Variants in TLN1 observed in about 807,000 individuals in gnomAD.
TLN1 encodes the protein talin-1.
TLN1 carries 56 observed loss-of-function variants against 292.3 expected under a neutral mutation model. The observed-to-expected ratio is 0.19, with a 90% CI of 0.15 to 0.24. The LOEUF (loss-of-function observed/expected upper bound fraction) is 0.24. Among genes scored for constraint, TLN1 ranks in the 10% least tolerant of loss-of-function variants. TLN1 has a pLI of 1.00. For missense variants in TLN1, 2,433 were observed against 3,248.2 expected (o/e 0.75, Z 6.10); for synonymous variants, 1,119 against 1,253.7 (o/e 0.89, Z 2.27).
Position 35,698,033 on chromosome 9 carries a change from G to A in TLN1, c.7500+11C>T. On this transcript the variant is annotated intron_variant, in intron 56 of 56. Coordinates refer to ENST00000314888, the MANE Select transcript of TLN1 (RefSeq NM_006289.4). The surrounding 1 kb of genome is among the most constrained non-coding windows in gnomAD (Gnocchi z 5.3). ...CTGACAGCGTCCCTCAGCATCTGGG[G>A]TGAAGCTCACCTGGGCAATGCCGCC... The A allele has an allele frequency of 6.2e-7, 1 of 1,614,134 alleles. No individual in the cohort carries two copies. Among genetic ancestry groups the A allele is most frequent in the Non-Finnish European group, 8.5e-7 (1 of 1,180,010 alleles).
At position 35,720,133 on chromosome 9, in the gene TLN1, G is replaced by A. The variant is rs750664229; in HGVS notation, c.1370C>T (p.Ala457Val). The A allele has an allele frequency of 1.2e-6, 2 of 1,612,580 alleles. No homozygotes were observed. The highest frequency in any genetic ancestry group is 8.5e-7 in the Non-Finnish European group (1 of 1,179,406). The change falls in exon 13 of 57, where the codon GCC becomes GTC. Residue 457 changes from alanine (A) to valine (V), a missense_variant. By Grantham distance (64) the Ala-to-Val change is moderately conservative (BLOSUM62 0). Coordinates refer to ENST00000314888, the MANE Select transcript of TLN1 (RefSeq NM_006289.4). ...VALPAIMRSGASGPENFQVGS... is the reference protein window; with the variant it reads ...VALPAIMRSGVSGPENFQVGS... ...CACCTGGAAATTCTCAGGACCAGAG[G>A]CTCCAGAGCGCATGATGGCAGGCAG...
Position 35,720,194 on chromosome 9 carries a change from T to A in TLN1, c.1309A>T (p.Asn437Tyr). ...KKSTVLQQQY[N>Y]RVGKVEHGSV... ...CCATGCTCCACTTTCCCCACCCGGT[T>A]GTATTGCTGCTGCAGGACTGTTGAC... The change falls in exon 13 of 57, where the codon AAC (asparagine) becomes TAC (tyrosine). Residue 437 changes from asparagine (N) to tyrosine (Y), a missense_variant. This residue lies in a region of TLN1 where 617 missense variants were observed against 770.6 expected (regional missense o/e 0.80). Transcript: ENST00000314888. 2 of 1,600,452 alleles carry A rather than the reference T, an allele frequency of 1.2e-6. No homozygotes were observed. The highest frequency in any genetic ancestry group is 1.3e-5 in the African/African-American group (1 of 74,532).
chr9:35,702,633 C>T (rs1448496283), intron 48 of TLN1, among the ~76,000 whole-genome samples: 1 of 152,048 alleles, frequency 6.6e-6, no homozygotes, highest in African/African-American at 2.4e-5. Flanking sequence ...GCTGGGACTA[C>T]AGGCGCGTGC....
chr9:35,709,243 C>T (rs1303836327), intron 33 of TLN1, among the ~76,000 whole-genome samples: 6 of 152,014 alleles, frequency 3.9e-5, no homozygotes, highest in African/African-American at 1.2e-4. Context: ...TGCAGTGAGC[C>T]GAGATTATGC....
At chr9:35,703,364 G>T (rs189124792) in intron 48 of TLN1, among the ~76,000 whole-genome samples, 196 bp downstream of exon 48, 21 of 152,278 alleles carry the variant, frequency 1.4e-4, no homozygotes, top group Non-Finnish European at 2.8e-4. Flanking sequence ...TGGGAGAAAT[G>T]ACAAGAGGAG....
In TLN1 at chr9:35,719,060, C is replaced by T; in HGVS notation, c.1896+14G>A. On this transcript the variant is annotated intron_variant, in intron 16 of 56. Coordinates refer to ENST00000314888, the MANE Select transcript of TLN1 (RefSeq NM_006289.4). The surrounding 1 kb of genome is among the most constrained non-coding windows in gnomAD (Gnocchi z 4.6). ...ACCCTGTCTCCACCCTAACCCAAACCTGTGGCCCCTGACCTCAGCACTGGC... is the reference window on the plus strand; with the variant it reads ...ACCCTGTCTCCACCCTAACCCAAACTTGTGGCCCCTGACCTCAGCACTGGC... 2 of 1,608,000 alleles carry T rather than the reference C, an allele frequency of 1.2e-6. No individual in the cohort carries two copies. The highest frequency in any genetic ancestry group is 1.7e-6 in the Non-Finnish European group (2 of 1,176,424).
In TLN1 at chr9:35,699,070, T is replaced by TGGCTGCAGCCTCAATGGC; in HGVS notation, c.6943_6960dup (p.Ala2315_Ala2320dup). Reference sequence around the variant, plus strand: ...CGGGGCTTCAGCTGCTCTAGCTTTTTGGCTGCAGCCTCAATGGCGGCTGCA... The same window carrying TGGCTGCAGCCTCAATGGC: ...CGGGGCTTCAGCTGCTCTAGCTTTTTGGCTGCAGCCTCAATGGCGGCTGCAGCCTCAATGGCGGCTGCA... On this transcript the variant is annotated inframe_insertion, in exon 52 of 57. Transcript: ENST00000314888. The surrounding 1 kb of genome is among the most constrained non-coding windows in gnomAD (Gnocchi z 4.0). 1 of 1,613,964 alleles carries TGGCTGCAGCCTCAATGGC rather than the reference T, an allele frequency of 6.2e-7. No individual in the cohort carries two copies. Among genetic ancestry groups the TGGCTGCAGCCTCAATGGC allele is most frequent in the Non-Finnish European group, 8.5e-7 (1 of 1,179,898 alleles).
At chr9:35,718,197 C>G (rs758080074) in intron 17 of TLN1, among the ~76,000 whole-genome samples, 22 of 152,224 alleles carry the variant, frequency 1.4e-4, no homozygotes, top group Non-Finnish European at 2.2e-4. Context: ...AGTCCCTGTA[C>G]TACCCTACCT....
At chr9:35,726,320 AT>A (rs1399995756) in intron 1 of TLN1, among the ~76,000 whole-genome samples, 1 of 152,182 alleles carries the variant, frequency 6.6e-6, no homozygotes, top group Non-Finnish European at 1.5e-5. Context: ...CACCACTGGA[AT>A]TTGTACCTCC....
rs879081024 is a variant in TLN1, at chr9:35,712,064, C to T, written c.3622G>A (p.Asp1208Asn). Residue 1208 changes from aspartate to asparagine, a missense_variant, in exon 28 of 57, where the codon GAT (aspartate) becomes AAT (asparagine). By Grantham distance (23) the Asp-to-Asn change is conservative (BLOSUM62 1). Around this residue, in one of 7 missense-constraint regions of TLN1, gnomAD observed 1,384 missense variants for 1,699.6 expected, o/e 0.81. Transcript: ENST00000314888. ...ACTGCCCTCAGGGCATTATCCACATCGCGCTGGCCAGGTAGGCAGCTGACA... is the reference window on the plus strand; with the variant it reads ...ACTGCCCTCAGGGCATTATCCACATTGCGCTGGCCAGGTAGGCAGCTGACA... The part of the protein sequence containing the change: ...RCVSCLPGQR[D>N]VDNALRAVGD... The T allele has an allele frequency of 9.3e-6, 15 of 1,614,092 alleles. No individual in the cohort carries two copies. Among genetic ancestry groups the T allele is most frequent in the Admixed American group, 3.3e-5 (2 of 60,022 alleles).
rs771998013 is a variant in TLN1, at chr9:35,707,999, C to G, written c.4471-107G>C. The G allele has an allele frequency of 3.2e-5, 42 of 1,310,310 alleles. No individual in the cohort carries two copies. Among genetic ancestry groups the G allele is most frequent in the Non-Finnish European group, 4.1e-5 (39 of 948,956 alleles). The allele number at this position is 1,310,310 out of a possible 1,614,324, so 81.2% of individuals were successfully genotyped here. Reference sequence around the variant, plus strand: ...GATGGAGAGCAATACCCTGAGGAGTCAAAACAGGAATAACAGAGTCACCTG... The same window carrying G: ...GATGGAGAGCAATACCCTGAGGAGTGAAAACAGGAATAACAGAGTCACCTG... On this transcript the variant is annotated intron_variant, in intron 34 of 56. Coordinates refer to ENST00000314888, the MANE Select transcript of TLN1 (RefSeq NM_006289.4). This position sits in a 1 kb window ranked among gnomAD's most constrained non-coding sequence, Gnocchi z 5.6.
chr9:35,719,336 G>C lies in TLN1; in HGVS notation c.1688-54C>G. On this transcript the variant is annotated intron_variant, in intron 15 of 56. Coordinates refer to ENST00000314888, the MANE Select transcript of TLN1 (RefSeq NM_006289.4). The surrounding 1 kb of genome is among the most constrained non-coding windows in gnomAD (Gnocchi z 4.6). ...GAGAGACAGGGCAGGCCAGACGAAG[G>C]GCTGGGGAGGGAGCAAAGTCACACC... 6.4e-7 allele frequency: 1 copy of C among 1,559,596 alleles called. No individual in the cohort carries two copies. The highest frequency in any genetic ancestry group is 8.8e-7 in the Non-Finnish European group (1 of 1,138,454).
At chr9:35,710,737 C>T (rs1360403637) in intron 32 of TLN1, 54 bp from the exon 33 acceptor site, 1 of 1,612,972 alleles carries the variant, frequency 6.2e-7, no homozygotes, top group Non-Finnish European at 8.5e-7. Context: ...AACCCCAGGG[C>T]AGCATCTGGT....
chr9:35,725,045 A>G, intron 3 of TLN1, 86 bp from the exon 4 acceptor site: 1 of 1,594,650 alleles, frequency 6.3e-7, no homozygotes, highest in Non-Finnish European at 8.6e-7. Flanking sequence ...GAGAGAGTGG[A>G]GCACTGAAAG....
Position 35,698,250 on chromosome 9 carries a change from A to C in TLN1, c.7371+73T>G. 1 of 1,608,660 alleles carries C rather than the reference A, an allele frequency of 6.2e-7. No homozygotes were observed. The highest frequency in any genetic ancestry group is 1.3e-5 in the African/African-American group (1 of 74,872). On this transcript the variant is annotated intron_variant, in intron 55 of 56. Coordinates refer to ENST00000314888, the MANE Select transcript of TLN1 (RefSeq NM_006289.4). This position sits in a 1 kb window ranked among gnomAD's most constrained non-coding sequence, Gnocchi z 5.3. ...AGACAGTACCTCAATTCTCTCATAG[A>C]AACATACATCTCGGGAGTGACAGTT...
intron 34 of TLN1, among the ~76,000 whole-genome samples, chr9:35,708,139 T>C (rs1283459578): frequency 6.6e-6 from 1 of 152,160 alleles, no homozygotes; most frequent in Non-Finnish European, 1.5e-5. Flanking sequence ...CTCGAACATC[T>C]ACAGAGAAGT....
chr9:35,722,720 C>A (rs1587989377), intron 8 of TLN1, 141 bp downstream of exon 8: 3 of 762,502 alleles, frequency 3.9e-6, no homozygotes, highest in East Asian at 5.0e-5. Context: ...GCTTTCTTGG[C>A]AGAGGTGAGG....
chr9:35,697,860 C>T lies in TLN1; in HGVS notation c.7557G>A (p.Arg2519=). 1 of 1,614,208 alleles carries T rather than the reference C, an allele frequency of 6.2e-7. No homozygotes were observed. The highest frequency in any genetic ancestry group is 8.5e-7 in the Non-Finnish European group (1 of 1,180,038). The change falls in exon 57 of 57, where the codon CGG becomes CGA. Residue 2519 remains arginine, a synonymous_variant. Coordinates refer to ENST00000314888, the MANE Select transcript of TLN1 (RefSeq NM_006289.4). ...LRKERELEEA[R]KKLAQIRQQQ... ...GCTGCCGGATCTGGGCCAGTTTCTT[C>T]CGCGCCTCTTCCAGCTCTCGTTCCT... is the stretch of plus-strand genomic sequence containing the variant.
At position 35,699,205 on chromosome 9, in the gene TLN1, C is replaced by G. The variant is rs373132892; in HGVS notation, c.6875-49G>C. The G allele has an allele frequency of 1.0e-5, 16 of 1,581,426 alleles. No individual in the cohort carries two copies. The highest frequency in any genetic ancestry group is 1.7e-4 in the Middle Eastern group (1 of 5,884). On this transcript the variant is annotated intron_variant, in intron 51 of 56. Coordinates refer to ENST00000314888, the MANE Select transcript of TLN1 (RefSeq NM_006289.4). The surrounding 1 kb of genome is among the most constrained non-coding windows in gnomAD (Gnocchi z 4.0). ...AGAGGCTAAGGCAGAGTGGGGAGGT[C>G]AAAAGCACCAGGGAGCATGGTTAGT...
Sources: allele counts gnomAD v4.1 joint callset (sites outside exome capture counted in the v4.1 genomes callset), GRCh38; gene constraint gnomAD v4.1.1; regional missense constraint gnomAD v4.1.1; non-coding constraint Gnocchi (gnomAD v3.1); transcripts MANE v1.5; gene names NCBI Gene and HGNC (gene_info 2026-07-23, HGNC 2026-07-21).